RHOU: variants seen among roughly 807,000 people sequenced by gnomAD.
RHOU encodes the protein rho-related GTP-binding protein RhoU.
RHOU carries 8 observed loss-of-function variants against 12.6 expected under a neutral mutation model. That is an observed-to-expected ratio of 0.64 (90% CI 0.37 to 1.15). The LOEUF (loss-of-function observed/expected upper bound fraction) is 1.15. RHOU is among the 50% of genes most tolerant of loss of function. The pLI, the probability that RHOU is intolerant of heterozygous loss-of-function variation, is 0.01. For missense variants in RHOU, 258 were observed against 347.0 expected, an observed-to-expected ratio of 0.74 and a Z score of 2.04; for synonymous variants, 161 against 147.4, an observed-to-expected ratio of 1.09 and a Z score of -0.67.
chr1:228,653,478 C>A, the RHOU span, among the ~76,000 whole-genome samples: 2 of 152,188 alleles, frequency 1.3e-5, no homozygotes, highest in Non-Finnish European at 2.9e-5. Context: ...CTCCACCATG[C>A]CCAGCTAATT....
At chr1:228,706,742 C>T in the RHOU span, among the ~76,000 whole-genome samples, 9 of 152,014 alleles carry the variant, frequency 5.9e-5, no homozygotes, top group Admixed American at 4.6e-4. Context: ...TATTAGCTAA[C>T]TAGTTATCGT....
chr1:228,662,589 C>T, the RHOU span, among the ~76,000 whole-genome samples: 4 of 150,614 alleles, frequency 2.7e-5, no homozygotes, highest in African/African-American at 9.8e-5. Context: ...GGACAGAAAA[C>T]CAAACACTGC....
chr1:228,679,444 T>A, the RHOU span, among the ~76,000 whole-genome samples: 1 of 143,000 alleles, frequency 7.0e-6, no homozygotes, highest in African/African-American at 2.6e-5. Context: ...GGATTTAGGA[T>A]TTATGGGGTC....
At chr1:228,688,005 T>A in the RHOU span, among the ~76,000 whole-genome samples, 1 of 142,118 alleles carries the variant, frequency 7.0e-6, no homozygotes, top group Non-Finnish European at 1.5e-5. Context: ...CTTTCTTCCT[T>A]CCTTTCATTT....
chr1:228,698,254 A>G, the RHOU span, among the ~76,000 whole-genome samples: 2 of 152,188 alleles, frequency 1.3e-5, no homozygotes, highest in Non-Finnish European at 2.9e-5. Flanking sequence ...AGATAATACC[A>G]AGAGTTTGAA....
chr1:228,685,075 G>T, the RHOU span, among the ~76,000 whole-genome samples: 1 of 152,282 alleles, frequency 6.6e-6, no homozygotes, highest in Non-Finnish European at 1.5e-5. Context: ...AGGCTATATA[G>T]GGTAACTTCC....
the RHOU span, among the ~76,000 whole-genome samples, chr1:228,723,872 T>C: frequency 6.6e-6 from 1 of 152,312 alleles, no homozygotes; most frequent in East Asian, 1.9e-4. Context: ...ACTAGGCTCC[T>C]TGCTGCTTCT....
chr1:228,670,944 C>T, the RHOU span, among the ~76,000 whole-genome samples: 4 of 152,196 alleles, frequency 2.6e-5, no homozygotes, highest in Non-Finnish European at 5.9e-5. Context: ...GTCTCCTGTA[C>T]AGCCTACAGA....
the RHOU span, among the ~76,000 whole-genome samples, chr1:228,674,653 T>C: frequency 3.9e-5 from 6 of 152,062 alleles, 1 homozygote; most frequent in Admixed American, 6.6e-5. Context: ...AGCTGTTTAG[T>C]ACCTTTTGTA....
chr1:228,667,493 TC>T, the RHOU span, among the ~76,000 whole-genome samples: 1 of 152,150 alleles, frequency 6.6e-6, no homozygotes, highest in South Asian at 2.1e-4. Flanking sequence ...CCAGAAGCAG[TC>T]GGGGATGTAG....
chr1:228,663,392 G>T, the RHOU span, among the ~76,000 whole-genome samples: 2 of 152,032 alleles, frequency 1.3e-5, no homozygotes, highest in African/African-American at 4.8e-5. Context: ...TGTAACAAGA[G>T]AATACAATGT....
At chr1:228,674,345 C>T in the RHOU span, among the ~76,000 whole-genome samples, 1 of 145,208 alleles carries the variant, frequency 6.9e-6, no homozygotes, top group Non-Finnish European at 1.5e-5. Flanking sequence ...GTGTTTAGTA[C>T]CTTTTTTTTT....
the RHOU span, among the ~76,000 whole-genome samples, chr1:228,691,968 T>C: frequency 6.6e-6 from 1 of 152,244 alleles, no homozygotes; most frequent in Non-Finnish European, 1.5e-5. Flanking sequence ...GAGTATCCAT[T>C]AAGTACAGAC....
the RHOU span, among the ~76,000 whole-genome samples, chr1:228,699,482 A>T: frequency 8.4e-5 from 12 of 142,368 alleles, no homozygotes; most frequent in Non-Finnish European, 7.7e-5. Context: ...AAAAGCCTGT[A>T]GCATTTAGTC....
At chr1:228,703,837 C>A in the RHOU span, among the ~76,000 whole-genome samples, 1 of 152,094 alleles carries the variant, frequency 6.6e-6, no homozygotes, top group Non-Finnish European at 1.5e-5. Context: ...ATCTTAGGAC[C>A]CCAAATCACT....
chr1:228,710,397 T>C, the RHOU span, among the ~76,000 whole-genome samples: 1 of 152,034 alleles, frequency 6.6e-6, no homozygotes, highest in Non-Finnish European at 1.5e-5. Flanking sequence ...TGAACATTGA[T>C]GCAAAAATCC....
At chr1:228,728,248 G>A in the RHOU span, among the ~76,000 whole-genome samples, 3 of 152,200 alleles carry the variant, frequency 2.0e-5, no homozygotes. Flanking sequence ...CACGTTAGCA[G>A]CGAGTCTAGC....
Position 228,737,925 on chromosome 1 carries a change from C to T in RHOU, c.321+194C>T, listed in dbSNP as rs879901426. 6.6e-6 allele frequency among the ~76,000 whole-genome samples: 1 copy of T among 152,178 alleles called. No homozygotes were observed. Among genetic ancestry groups the T allele is most frequent in the Non-Finnish European group, 1.5e-5 (1 of 68,034 alleles). Reference sequence around the variant, plus strand: ...GCCGGCAGGAAGCAGAGGAAGATACCTCCAAACTAATAAAGCAGGGTTTGG... The same window carrying T: ...GCCGGCAGGAAGCAGAGGAAGATACTTCCAAACTAATAAAGCAGGGTTTGG... On this transcript the variant is annotated intron_variant, in intron 2 of 2. Coordinates refer to ENST00000366691, the MANE Select transcript of RHOU (RefSeq NM_021205.6). This position sits in a 1 kb window ranked among gnomAD's most constrained non-coding sequence, Gnocchi z 4.1.
chr1:228,720,711 A>G, the RHOU span, among the ~76,000 whole-genome samples: 1 of 152,224 alleles, frequency 6.6e-6, no homozygotes, highest in Non-Finnish European at 1.5e-5. Context: ...AGAACCACCC[A>G]ATCTACAGTG....
Sources: gnomAD v4.1 joint callset for allele counts (sites outside exome capture counted in the v4.1 genomes callset) on GRCh38, gnomAD v4.1.1 for gene constraint, Gnocchi (gnomAD v3.1) non-coding constraint, MANE v1.5 for transcripts, NCBI Gene and HGNC (gene_info 2026-07-23, HGNC 2026-07-21) for gene names.